SGCZ: variants seen among roughly 807,000 people sequenced by gnomAD.
The protein encoded by SGCZ is zeta-sarcoglycan.
SGCZ carries 40 observed loss-of-function variants against 41.3 expected under a neutral mutation model. The observed-to-expected ratio is 0.97, with a 90% CI of 0.75 to 1.26. The LOEUF (loss-of-function observed/expected upper bound fraction) is 1.26, where lower values mean the gene tolerates loss of function less well. Ranked by LOEUF, SGCZ falls within the 50% of genes most tolerant of loss-of-function variation. The pLI is 0.00. For synonymous variants in SGCZ, 206 were observed against 137.5 expected, an observed-to-expected ratio of 1.50 and a Z score of -3.49; for missense variants, 552 against 369.8, an observed-to-expected ratio of 1.49 and a Z score of -4.04.
chr8:14,660,271 A>G (rs933898201), intron 1 of SGCZ, among the ~76,000 whole-genome samples: 9 of 152,178 alleles, frequency 5.9e-5, no homozygotes, highest in African/African-American at 1.7e-4. Flanking sequence ...TTACTGTCAT[A>G]GAAAAATAGC....
intron 1 of SGCZ, among the ~76,000 whole-genome samples, chr8:14,986,349 G>A (rs533065199): frequency 4.0e-4 from 61 of 151,968 alleles, no homozygotes; most frequent in South Asian, 1.7e-3. Context: ...TTACTTCGGC[G>A]CACACAAAAT....
At chr8:14,823,895 T>C (rs1056538345) in intron 1 of SGCZ, among the ~76,000 whole-genome samples, 1 of 152,096 alleles carries the variant, frequency 6.6e-6, no homozygotes, top group Non-Finnish European at 1.5e-5. Context: ...ATGATTCAGC[T>C]TTAAAAAGGA....
At chr8:14,601,466 A>G (rs917656454) in intron 1 of SGCZ, among the ~76,000 whole-genome samples, 24 of 152,076 alleles carry the variant, frequency 1.6e-4, no homozygotes, top group Admixed American at 3.9e-4. Context: ...TTTTTCAAAA[A>G]TCATGAAAAT....
intron 1 of SGCZ, among the ~76,000 whole-genome samples, chr8:14,933,341 G>C (rs770275244): frequency 1.3e-5 from 2 of 151,930 alleles, no homozygotes; most frequent in Non-Finnish European, 1.5e-5. Flanking sequence ...GCTCATCTAA[G>C]GTGAGAGGTT....
chr8:15,179,928 GC>G (rs1311520167), intron 1 of SGCZ, among the ~76,000 whole-genome samples: 2 of 152,144 alleles, frequency 1.3e-5, no homozygotes, highest in Admixed American at 6.5e-5. Context: ...GTAGGATTAT[GC>G]CGGCCAGTCA....
At chr8:14,189,019 C>CT (rs60448346) in intron 4 of SGCZ, among the ~76,000 whole-genome samples, 5,836 of 142,408 alleles carry the variant, frequency 0.041, 162 homozygotes, top group South Asian at 0.071. Flanking sequence ...CCACGCCCAG[C>CT]TTTTTTTTTT....
chr8:14,688,274 C>G (rs1563203670), intron 1 of SGCZ, among the ~76,000 whole-genome samples: 1 of 152,142 alleles, frequency 6.6e-6, no homozygotes, highest in Non-Finnish European at 1.5e-5. Flanking sequence ...TTGCCCATGC[C>G]TATGTCCTGA....
At chr8:14,820,899 A>G (rs1199989994) in intron 1 of SGCZ, among the ~76,000 whole-genome samples, 2 of 150,476 alleles carry the variant, frequency 1.3e-5, no homozygotes, top group Non-Finnish European at 3.0e-5. Flanking sequence ...CAAATAAAAA[A>G]CATAAAAACA....
chr8:14,965,158 C>T (rs1801092951), intron 1 of SGCZ, among the ~76,000 whole-genome samples: 1 of 152,084 alleles, frequency 6.6e-6, no homozygotes, highest in South Asian at 2.1e-4. Context: ...CAAATCTCTG[C>T]GGCCATAGTT....
chr8:14,356,294 G>C (rs1469330533), intron 2 of SGCZ, among the ~76,000 whole-genome samples: 5 of 152,190 alleles, frequency 3.3e-5, no homozygotes, highest in Admixed American at 6.5e-5. Flanking sequence ...CCCGTCGTAA[G>C]TTAAGAGCCT....
intron 2 of SGCZ, among the ~76,000 whole-genome samples, chr8:14,369,939 A>G (rs563488339): frequency 6.6e-6 from 1 of 152,168 alleles, no homozygotes; most frequent in African/African-American, 2.4e-5. Flanking sequence ...AATGACGTCT[A>G]TTAAATGGGT....
At chr8:14,525,173 TAGATAGATAGATAGATAGATAGAC>T (rs1437974677) in intron 2 of SGCZ, among the ~76,000 whole-genome samples, 120 of 117,982 alleles carry the variant, frequency 1.0e-3, no homozygotes, top group Admixed American at 1.4e-3. Flanking sequence ...GATAGATAGA[TAGATAGATAGATAGATAGATAGAC>T]AGACAGACAG....
intron 5 of SGCZ, among the ~76,000 whole-genome samples, chr8:14,130,683 C>T (rs543781906): frequency 3.9e-5 from 6 of 152,146 alleles, no homozygotes; most frequent in African/African-American, 1.2e-4. Context: ...TATTTTCTAA[C>T]GAAAAACAGC....
intron 1 of SGCZ, among the ~76,000 whole-genome samples, chr8:14,633,069 T>C (rs1174060390): frequency 1.3e-5 from 2 of 152,048 alleles, no homozygotes; most frequent in African/African-American, 2.4e-5. Context: ...TATTTATACC[T>C]GTCTTGTAAC....
intron 1 of SGCZ, among the ~76,000 whole-genome samples, chr8:14,869,636 AG>A (rs1348978339): frequency 2.0e-5 from 3 of 152,170 alleles, no homozygotes; most frequent in Non-Finnish European, 4.4e-5. Context: ...ATAGGAAGAG[AG>A]GAAGTCAAAT....
At chr8:14,689,510 G>C (rs1808729273) in intron 1 of SGCZ, among the ~76,000 whole-genome samples, 1 of 152,132 alleles carries the variant, frequency 6.6e-6, no homozygotes, top group African/African-American at 2.4e-5. Context: ...TATTTTGATA[G>C]AAGGGGCCAA....
At chr8:14,865,890 G>T (rs1298452495) in intron 1 of SGCZ, among the ~76,000 whole-genome samples, 1 of 152,066 alleles carries the variant, frequency 6.6e-6, no homozygotes, top group Non-Finnish European at 1.5e-5. Flanking sequence ...ATGGAGTTAG[G>T]TGCTTACAGT....
At chr8:14,414,691 G>T (rs970654927) in intron 2 of SGCZ, among the ~76,000 whole-genome samples, 1 of 151,840 alleles carries the variant, frequency 6.6e-6, no homozygotes, top group Non-Finnish European at 1.5e-5. Flanking sequence ...ATAACAATAA[G>T]CTTGGCCAAT....
chr8:14,617,660 T>C (rs1289155089), intron 1 of SGCZ, among the ~76,000 whole-genome samples: 5 of 152,122 alleles, frequency 3.3e-5, no homozygotes, highest in Non-Finnish European at 7.4e-5. Context: ...AATGTCCAGT[T>C]AGGGCAATGG....
Sources: allele counts gnomAD v4.1 joint callset (sites outside exome capture counted in the v4.1 genomes callset), GRCh38; gene constraint gnomAD v4.1.1; transcripts MANE v1.5; gene names NCBI Gene and HGNC (gene_info 2026-07-23, HGNC 2026-07-21).